Variants in CMSS1 observed in about 807,000 individuals in gnomAD.
The protein encoded by CMSS1 is protein CMSS1.
In CMSS1, 33 loss-of-function variants were observed where a neutral mutation model predicts 43.5. That is an observed-to-expected ratio of 0.76 (90% CI 0.57 to 1.01). The LOEUF (loss-of-function observed/expected upper bound fraction) is 1.01, where lower values mean the gene tolerates loss of function less well. Among genes scored for constraint, CMSS1 ranks in the 50% least tolerant of loss-of-function variants. The pLI is 0.00. For missense variants in CMSS1, 313 were observed against 326.4 expected, an observed-to-expected ratio of 0.96 and a Z score of 0.32; for synonymous variants, 115 against 117.2, an observed-to-expected ratio of 0.98 and a Z score of 0.12.
chr3:99,911,956 AT>A (rs1179158844), intron 1 of CMSS1, among the ~76,000 whole-genome samples: 1 of 152,136 alleles, frequency 6.6e-6, no homozygotes, highest in African/African-American at 2.4e-5. Flanking sequence ...TTTCCAGCAA[AT>A]AATCATTTGC....
At chr3:100,139,332 A>T (rs2066783061) in intron 1 of CMSS1, among the ~76,000 whole-genome samples, 1 of 151,972 alleles carries the variant, frequency 6.6e-6, no homozygotes, top group Non-Finnish European at 1.5e-5. Flanking sequence ...AATAAAATGA[A>T]AAGTTTAAAC....
chr3:100,090,142 C>G (rs2066079339), intron 1 of CMSS1, among the ~76,000 whole-genome samples: 1 of 152,214 alleles, frequency 6.6e-6, no homozygotes, highest in African/African-American at 2.4e-5. Flanking sequence ...GTTCCAAGGG[C>G]AGTCCCTCCC....
intron 1 of CMSS1, among the ~76,000 whole-genome samples, chr3:99,832,560 A>AAAG (rs201155810): frequency 0.026 from 3,177 of 120,784 alleles, 116 homozygotes; most frequent in Non-Finnish European, 0.035. Flanking sequence ...AAAAAAAAAA[A>AAAG]GGCCTAGCGC....
At chr3:100,101,153 C>T (rs2066298265) in intron 1 of CMSS1, among the ~76,000 whole-genome samples, 1 of 152,152 alleles carries the variant, frequency 6.6e-6, no homozygotes, top group Admixed American at 6.5e-5. Flanking sequence ...TTAGCCTCTC[C>T]TGAGTGGTAG....
chr3:100,117,827 A>ATGTATG (rs1242035301), intron 1 of CMSS1, among the ~76,000 whole-genome samples: 84 of 81,988 alleles, frequency 1.0e-3, no homozygotes, highest in African/African-American at 4.5e-3. Flanking sequence ...AAACTGCAGT[A>ATGTATG]TATATATATA....
chr3:99,979,654 C>G (rs1709064031), intron 1 of CMSS1, among the ~76,000 whole-genome samples: 1 of 152,114 alleles, frequency 6.6e-6, no homozygotes, highest in Admixed American at 6.6e-5. Context: ...AGTATTACCT[C>G]TATATGTCAA....
chr3:99,876,809 C>G (rs1705549509), intron 1 of CMSS1, among the ~76,000 whole-genome samples: 1 of 152,090 alleles, frequency 6.6e-6, no homozygotes, highest in African/African-American at 2.4e-5. Flanking sequence ...TCCTCTTTCC[C>G]CATTTCTGCA....
At chr3:100,089,550 T>C (rs1394031274) in intron 1 of CMSS1, among the ~76,000 whole-genome samples, 1 of 152,178 alleles carries the variant, frequency 6.6e-6, no homozygotes, top group Non-Finnish European at 1.5e-5. Context: ...GCAAAAAGGA[T>C]AGGAAGCAGA....
chr3:100,171,018 A>T (rs929977002), intron 6 of CMSS1, among the ~76,000 whole-genome samples: 5 of 152,192 alleles, frequency 3.3e-5, no homozygotes, highest in African/African-American at 1.2e-4. Flanking sequence ...ATAGTCTCAC[A>T]TCATCATAAC....
intron 1 of CMSS1, among the ~76,000 whole-genome samples, chr3:99,818,439 G>A (rs781154542): frequency 6.6e-5 from 10 of 152,208 alleles, no homozygotes; most frequent in African/African-American, 9.6e-5. Flanking sequence ...CACGACTCCA[G>A]TATTCTGATA....
chr3:100,063,849 A>G (rs2065615478), intron 1 of CMSS1, among the ~76,000 whole-genome samples: 1 of 152,256 alleles, frequency 6.6e-6, no homozygotes, highest in Non-Finnish European at 1.5e-5. Context: ...CCATTAAAGA[A>G]ATAAAGTGAT....
At chr3:99,876,243 T>C (rs1012774755) in intron 1 of CMSS1, 20 of 984,750 alleles carry the variant, frequency 2.0e-5, no homozygotes, top group Non-Finnish European at 2.4e-5. Context: ...GCGCTCCGCG[T>C]GTGCGGCGCT....
At chr3:99,909,089 ACC>A (rs2107636707) in intron 1 of CMSS1, among the ~76,000 whole-genome samples, 1 of 152,268 alleles carries the variant, frequency 6.6e-6, no homozygotes, top group South Asian at 2.1e-4. Flanking sequence ...AAATGTAAGA[ACC>A]AAATGTTCTA....
rs1056310316 is a variant in CMSS1, at chr3:100,171,895, T to G, written c.575T>G (p.Ile192Arg). The G allele has an allele frequency of 6.2e-6, 10 of 1,613,374 alleles. No homozygotes were observed. The highest frequency in any genetic ancestry group is 1.3e-5 in the African/African-American group (1 of 74,922). Residue 192 changes from isoleucine (I) to arginine (R), a missense_variant, in exon 7 of 10, where the codon ATA becomes AGA. Physicochemically the swap from Ile to Arg is moderately conservative, Grantham distance 97. Transcript: ENST00000421999. ...GKVIKLFAKH[I>R]KVQAQVKLLE... ...GTTATAAAATTATTTGCAAAGCACA[T>G]AAAGGTAAGCAAGGGCCTGTGTGAT...
chr3:100,163,647 C>T (rs1215109260), intron 4 of CMSS1, among the ~76,000 whole-genome samples: 1 of 152,144 alleles, frequency 6.6e-6, no homozygotes, highest in Non-Finnish European at 1.5e-5. Context: ...AGTGGATCCT[C>T]TCATCTCAGC....
At chr3:99,880,234 T>G (rs1466409029) in intron 1 of CMSS1, among the ~76,000 whole-genome samples, 2 of 151,296 alleles carry the variant, frequency 1.3e-5, no homozygotes, top group African/African-American at 4.8e-5. Context: ...TTCACTCTTC[T>G]TTCACTCTTC....
intron 1 of CMSS1, among the ~76,000 whole-genome samples, chr3:99,877,211 T>C (rs1180050190): frequency 2.0e-5 from 3 of 152,190 alleles, no homozygotes; most frequent in Admixed American, 2.0e-4. Flanking sequence ...AGATGAGTAA[T>C]TTTAGTAGCT....
chr3:99,921,184 A>G (rs1707112993), intron 1 of CMSS1, among the ~76,000 whole-genome samples: 1 of 152,180 alleles, frequency 6.6e-6, no homozygotes, highest in Non-Finnish European at 1.5e-5. Context: ...GTGAAGTTGG[A>G]AGGACTCAGT....
chr3:99,893,327 G>A (rs922538278), intron 1 of CMSS1, among the ~76,000 whole-genome samples: 5 of 151,864 alleles, frequency 3.3e-5, no homozygotes, highest in Admixed American at 6.6e-5. Flanking sequence ...CACCACGCCC[G>A]GCTAATTTTT....
Sources: gnomAD v4.1 joint callset for allele counts (sites outside exome capture counted in the v4.1 genomes callset) on GRCh38, gnomAD v4.1.1 for gene constraint, MANE v1.5 for transcripts, NCBI Gene and HGNC (gene_info 2026-07-23, HGNC 2026-07-21) for gene names.